The following ZNF804A variants were observed in gnomAD, a reference collection of about 807,000 sequenced individuals.
ZNF804A encodes the protein zinc finger protein 804A.
A neutral mutation model predicts 16.5 loss-of-function variants in ZNF804A; 2 were observed. The ratio of observed to expected loss-of-function variants is 0.12; its 90% CI spans 0.05 to 0.38. The LOEUF is 0.38. Ranked by LOEUF, ZNF804A falls within the 10% of genes least tolerant of loss-of-function variation. The pLI is 0.99. For missense variants in ZNF804A, 1,473 were observed against 1,390.7 expected, an observed-to-expected ratio of 1.06 and a Z score of -0.94; for synonymous variants, 534 against 489.6, an observed-to-expected ratio of 1.09 and a Z score of -1.20.
chr2:184,671,219 T>C (rs1692335322), intron 1 of ZNF804A, among the ~76,000 whole-genome samples: 3 of 152,182 alleles, frequency 2.0e-5, no homozygotes, highest in Admixed American at 1.3e-4. Context: ...TCACCATCTG[T>C]GTAGACATTA....
At chr2:184,721,919 C>T (rs1287392636) in intron 1 of ZNF804A, among the ~76,000 whole-genome samples, 4 of 151,914 alleles carry the variant, frequency 2.6e-5, no homozygotes, top group Non-Finnish European at 4.4e-5. Flanking sequence ...AAAATGAAAT[C>T]ATGTCATTTG....
At chr2:184,851,254 AG>A (rs1187559079) in intron 1 of ZNF804A, among the ~76,000 whole-genome samples, 18 of 151,838 alleles carry the variant, frequency 1.2e-4, no homozygotes. Flanking sequence ...TATTAAGTAT[AG>A]TCACCATATT....
At chr2:184,617,803 TTTAAA>T (rs1353646172) in intron 1 of ZNF804A, among the ~76,000 whole-genome samples, 6 of 151,782 alleles carry the variant, frequency 4.0e-5, no homozygotes, top group African/African-American at 9.6e-5. Context: ...ATCAACAAAC[TTTAAA>T]TTAATTTCTC....
chr2:184,790,160 A>G, intron 1 of ZNF804A, among the ~76,000 whole-genome samples: 1 of 151,560 alleles, frequency 6.6e-6, no homozygotes, highest in Non-Finnish European at 1.5e-5. Flanking sequence ...ATTGATTTTT[A>G]ACTTTATTCC....
At position 184,607,625 on chromosome 2, in the gene ZNF804A, ACAATT is replaced by A. The variant is rs1260993146; in HGVS notation, c.111+8559_111+8563del. Among the ~76,000 whole-genome samples the A allele has an allele frequency of 4.6e-5, 7 of 152,152 alleles. No individual in the cohort carries two copies. In the East Asian group the frequency reaches 1.4e-3, roughly 29 times the overall value. On this transcript the variant is annotated intron_variant, in intron 1 of 3. Coordinates refer to ENST00000302277, the MANE Select transcript of ZNF804A (RefSeq NM_194250.2). ...ATGACACGTGGTGATTATGGGAACT[ACAATT>A]CAAGATGAGATTTGGGTGGGGATAC...
At chr2:184,835,940 G>A (rs1695338509) in intron 1 of ZNF804A, among the ~76,000 whole-genome samples, 1 of 152,086 alleles carries the variant, frequency 6.6e-6, no homozygotes. Flanking sequence ...TTGTTCTATA[G>A]ACAATGGGGA....
intron 2 of ZNF804A, chr2:184,902,031 T>C (rs1685190466): frequency 6.6e-6 from 1 of 152,120 alleles, no homozygotes; most frequent in South Asian, 2.1e-4. Flanking sequence ...ATGCAGCTCA[T>C]ACAAGTTTTG....
intron 1 of ZNF804A, among the ~76,000 whole-genome samples, chr2:184,846,015 T>C (rs554410346): frequency 3.2e-4 from 48 of 152,250 alleles, no homozygotes; most frequent in African/African-American, 1.2e-3. Context: ...ATCTCTGTTC[T>C]CCAATAATAC....
In ZNF804A at chr2:184,937,751, A is replaced by G; in HGVS notation, c.2355A>G (p.Leu785=). 1 of 1,614,066 alleles carries G rather than the reference A, an allele frequency of 6.2e-7. No homozygotes were observed. The highest frequency in any genetic ancestry group is 8.5e-7 in the Non-Finnish European group (1 of 1,179,976). The stretch of plus-strand genomic sequence containing the variant: ...ATTCTTATTCTTCAGATGAAAGTTT[A>G]AATCGACAGAATCATTTACCAGAAG... ...HSHSYSSDES[L]NRQNHLPEEF... Residue 785 remains leucine, a synonymous_variant, in exon 4 of 4, where the codon TTA becomes TTG. Coordinates refer to ENST00000302277, the MANE Select transcript of ZNF804A (RefSeq NM_194250.2).
intron 1 of ZNF804A, among the ~76,000 whole-genome samples, chr2:184,726,931 A>C (rs549377507): frequency 1.3e-4 from 20 of 151,724 alleles, no homozygotes; most frequent in Admixed American, 3.3e-4. Flanking sequence ...ATGTTAATAC[A>C]GCATAATAAT....
chr2:184,720,302 G>A (rs1219107677), intron 1 of ZNF804A, among the ~76,000 whole-genome samples: 1 of 152,044 alleles, frequency 6.6e-6, no homozygotes, highest in Admixed American at 6.6e-5. Flanking sequence ...ACCCAACTTG[G>A]AATATAAGAA....
At chr2:184,913,183 A>G (rs1318896581) in intron 2 of ZNF804A, among the ~76,000 whole-genome samples, 2 of 152,152 alleles carry the variant, frequency 1.3e-5, no homozygotes, top group Admixed American at 1.3e-4. Context: ...GCTTTGATAT[A>G]GCTTTAGACC....
intron 2 of ZNF804A, among the ~76,000 whole-genome samples, chr2:184,914,694 G>A (rs1685417883): frequency 6.6e-6 from 1 of 151,948 alleles, no homozygotes; most frequent in Non-Finnish European, 1.5e-5. Context: ...TATATCAATT[G>A]TAACTATATA....
intron 1 of ZNF804A, among the ~76,000 whole-genome samples, chr2:184,692,413 T>G (rs912213585): frequency 7.8e-4 from 119 of 152,326 alleles, no homozygotes; most frequent in African/African-American, 2.7e-3. Flanking sequence ...TAACTGTCTA[T>G]TTGGCCTTCA....
At chr2:184,930,630 A>C (rs1227552543) in intron 2 of ZNF804A, among the ~76,000 whole-genome samples, 1 of 152,212 alleles carries the variant, frequency 6.6e-6, no homozygotes, top group East Asian at 1.9e-4. Flanking sequence ...TCAGATTTAC[A>C]ATCCAGAATC....
intron 1 of ZNF804A, among the ~76,000 whole-genome samples, chr2:184,792,473 C>G (rs74826940): frequency 0.037 from 5,558 of 152,000 alleles, 333 homozygotes; most frequent in African/African-American, 0.12. Context: ...TTGTGAGGTG[C>G]CTGTTCAGAT....
chr2:184,785,096 T>C (rs886478287), intron 1 of ZNF804A, among the ~76,000 whole-genome samples: 2 of 152,016 alleles, frequency 1.3e-5, no homozygotes, highest in African/African-American at 4.8e-5. Context: ...GGCATTGAGC[T>C]AGTATCCCTG....
At chr2:184,628,786 G>A (rs1272610341) in intron 1 of ZNF804A, among the ~76,000 whole-genome samples, 1 of 152,024 alleles carries the variant, frequency 6.6e-6, no homozygotes, top group Non-Finnish European at 1.5e-5. Context: ...AGAATTGCCA[G>A]GTTGTAGTGT....
chr2:184,706,108 T>C (rs1181052762), intron 1 of ZNF804A, among the ~76,000 whole-genome samples: 1 of 152,162 alleles, frequency 6.6e-6, no homozygotes, highest in African/African-American at 2.4e-5. Flanking sequence ...ACCAGACTTC[T>C]TTATCACTAT....
Sources: allele counts gnomAD v4.1 joint callset (sites outside exome capture counted in the v4.1 genomes callset), GRCh38; gene constraint gnomAD v4.1.1; transcripts MANE v1.5; gene names NCBI Gene and HGNC (gene_info 2026-07-23, HGNC 2026-07-21).